The following FAM81A variants were observed in gnomAD, a reference collection of about 807,000 sequenced individuals.
The protein encoded by FAM81A is family with sequence similarity 81 member A, also known as protein FAM81A.
A neutral mutation model predicts 46.7 loss-of-function variants in FAM81A; 19 were observed. That is an observed-to-expected ratio of 0.41 (90% CI 0.28 to 0.60). The LOEUF (loss-of-function observed/expected upper bound fraction) is 0.60, where lower values mean the gene tolerates loss of function less well. Ranked by LOEUF, FAM81A falls within the 20% of genes least tolerant of loss-of-function variation. FAM81A has a pLI of 0.34. For missense variants in FAM81A, 377 were observed against 453.5 expected (o/e 0.83, Z 1.53); for synonymous variants, 183 against 152.9 (o/e 1.20, Z -1.45).
chr15:59,458,291 A>G (rs1413197864), intron 1 of FAM81A, among the ~76,000 whole-genome samples: 1 of 152,228 alleles, frequency 6.6e-6, no homozygotes, highest in Non-Finnish European at 1.5e-5. Flanking sequence ...AGGAAACTCC[A>G]TTGTACAGTC....
intron 4 of FAM81A, among the ~76,000 whole-genome samples, chr15:59,492,733 CTG>C (rs1230618533): frequency 1.3e-5 from 2 of 152,034 alleles, no homozygotes; most frequent in Non-Finnish European, 2.9e-5. Flanking sequence ...TTAATTTTTC[CTG>C]TTATTCATTT....
intron 4 of FAM81A, among the ~76,000 whole-genome samples, chr15:59,505,460 C>T (rs533705017): frequency 7.4e-4 from 111 of 151,012 alleles, no homozygotes; most frequent in African/African-American, 2.5e-3. Flanking sequence ...TGCAGTGAGC[C>T]GAGATCACGC....
chr15:59,483,210 G>A (rs993397990), intron 3 of FAM81A, among the ~76,000 whole-genome samples: 11 of 151,988 alleles, frequency 7.2e-5, no homozygotes, highest in African/African-American at 2.4e-4. Flanking sequence ...ACTAATTTTT[G>A]TATTTTTAGT....
At chr15:59,428,310 T>C (rs999804807) in intron 2 of FAM81A, among the ~76,000 whole-genome samples, 8 of 152,140 alleles carry the variant, frequency 5.3e-5, no homozygotes, top group Non-Finnish European at 8.8e-5. Flanking sequence ...ATTAATTCCT[T>C]GTCAGATGAG....
At chr15:59,454,472 CTA>C (rs1480694155) in intron 1 of FAM81A, among the ~76,000 whole-genome samples, 1 of 152,160 alleles carries the variant, frequency 6.6e-6, no homozygotes, top group East Asian at 1.9e-4. Context: ...ATATTCATCT[CTA>C]TGTATATCTA....
chr15:59,452,674 A>G (rs749887950), intron 1 of FAM81A, among the ~76,000 whole-genome samples: 58 of 152,182 alleles, frequency 3.8e-4, no homozygotes, highest in Middle Eastern at 3.2e-3. Flanking sequence ...ATGGTGATGT[A>G]TATCTTTATA....
chr15:59,413,474 T>A (rs1365669373), intron 2 of FAM81A, among the ~76,000 whole-genome samples: 1 of 150,484 alleles, frequency 6.6e-6, no homozygotes, highest in Non-Finnish European at 1.5e-5. Flanking sequence ...CCACCCACCC[T>A]ATATCACACC....
intron 3 of FAM81A, among the ~76,000 whole-genome samples, chr15:59,467,751 C>A (rs2081632376): frequency 6.6e-6 from 1 of 152,122 alleles, no homozygotes; most frequent in African/African-American, 2.4e-5. Context: ...CCATGTTGAA[C>A]AGGAATGGTG....
chr15:59,443,446 C>G (rs4334234), intron 1 of FAM81A, among the ~76,000 whole-genome samples: 124,825 of 152,164 alleles, frequency 0.82, 51,471 homozygotes, highest in African/African-American at 0.9. Flanking sequence ...TGTTACATTC[C>G]TTGTCATGCC....
At position 59,460,800 on chromosome 15, in the gene FAM81A, T is replaced by C. The variant is rs2081542309; in HGVS notation, c.294+594T>C. Among the ~76,000 whole-genome samples, 1 of 152,182 alleles carries C rather than the reference T, an allele frequency of 6.6e-6. No individual in the cohort carries two copies. Among genetic ancestry groups the C allele is most frequent in the Admixed American group, 6.6e-5 (1 of 15,266 alleles). ...GACCACACAGTTTAGTTCAGAAAGC[T>C]TCAGATCATTTAGGGCTTGGGTTTC... On this transcript the variant is annotated intron_variant, in intron 3 of 8. Transcript: ENST00000288228. The surrounding 1 kb of genome is among the most constrained non-coding windows in gnomAD (Gnocchi z 4.4).
chr15:59,446,955 A>G (rs2081359997), intron 1 of FAM81A, among the ~76,000 whole-genome samples: 1 of 152,248 alleles, frequency 6.6e-6, no homozygotes, highest in Non-Finnish European at 1.5e-5. Context: ...TGAGCAATTT[A>G]TGCTTTTTGT....
chr15:59,505,268 T>G (rs1382312041), intron 4 of FAM81A, among the ~76,000 whole-genome samples: 1 of 152,012 alleles, frequency 6.6e-6, no homozygotes, highest in Non-Finnish European at 1.5e-5. Context: ...TCCCAGCACT[T>G]TGGGAGGCTG....
intron 6 of FAM81A, among the ~76,000 whole-genome samples, chr15:59,512,338 G>C (rs1163237968): frequency 1.3e-5 from 2 of 151,876 alleles, no homozygotes; most frequent in African/African-American, 2.4e-5. Context: ...TGGGCATGGT[G>C]GTGCGCGCCT....
intron 1 of FAM81A, among the ~76,000 whole-genome samples, chr15:59,453,948 C>T (rs2081451166): frequency 6.6e-6 from 1 of 152,158 alleles, no homozygotes. Context: ...CACTGTGACT[C>T]CCCATCTCCT....
chr15:59,442,671 A>G (rs1168325999), intron 1 of FAM81A, among the ~76,000 whole-genome samples: 4 of 151,996 alleles, frequency 2.6e-5, no homozygotes, highest in African/African-American at 9.7e-5. Flanking sequence ...AGTCGCAATA[A>G]TTAAAATAAT....
chr15:59,488,026 A>G (rs1256994127), intron 3 of FAM81A, among the ~76,000 whole-genome samples: 1 of 152,208 alleles, frequency 6.6e-6, no homozygotes, highest in East Asian at 1.9e-4. Context: ...CCTCAACAAA[A>G]TACTGGGAAA....
At chr15:59,477,821 T>C (rs1479552192) in intron 3 of FAM81A, among the ~76,000 whole-genome samples, 3 of 152,226 alleles carry the variant, frequency 2.0e-5, no homozygotes, top group Non-Finnish European at 4.4e-5. Context: ...GCTTGATAAA[T>C]GTTGAATGGA....
At chr15:59,520,563 A>ATTTTTTTTTTTTTTTTTTTT (rs71119482) in intron 8 of FAM81A, among the ~76,000 whole-genome samples, 1 of 122,250 alleles carries the variant, frequency 8.2e-6, no homozygotes, top group Admixed American at 8.3e-5. Context: ...TGTTTGCTTC[A>ATTTTTTTTTTTTTTTTTTTT]TTTTTTTTTT....
intron 4 of FAM81A, among the ~76,000 whole-genome samples, chr15:59,506,170 T>G (rs750633543): frequency 1.3e-5 from 2 of 151,978 alleles, no homozygotes; most frequent in Non-Finnish European, 2.9e-5. Flanking sequence ...TTTGTTTTGT[T>G]TTGTATTATC....
Sources: allele counts gnomAD v4.1 joint callset (sites outside exome capture counted in the v4.1 genomes callset), GRCh38; gene constraint gnomAD v4.1.1; non-coding constraint Gnocchi (gnomAD v3.1); transcripts MANE v1.5; gene names NCBI Gene and HGNC (gene_info 2026-07-23, HGNC 2026-07-21).